FRS2: variants seen among roughly 807,000 people sequenced by gnomAD.
FRS2 encodes fibroblast growth factor receptor substrate 2.
Under a neutral mutation model 43.9 loss-of-function variants are expected in FRS2, and 8 were observed. That is an observed-to-expected ratio of 0.18 (90% CI 0.11 to 0.33). FRS2 has a LOEUF of 0.33. Ranked by LOEUF, FRS2 falls within the 10% of genes least tolerant of loss-of-function variation. The probability of loss-of-function intolerance (pLI) is 1.00; values close to 1 mark genes in which losing one functional copy is unlikely to be tolerated. For missense variants in FRS2, 534 were observed against 627.6 expected, an observed-to-expected ratio of 0.85 and a Z score of 1.59; for synonymous variants, 219 against 220.3, an observed-to-expected ratio of 0.99 and a Z score of 0.05.
At chr12:69,516,767 A>G (rs1256010725) in intron 1 of FRS2, among the ~76,000 whole-genome samples, 1 of 152,028 alleles carries the variant, frequency 6.6e-6, no homozygotes, top group Admixed American at 6.6e-5. Flanking sequence ...TTTTGTTTTA[A>G]TCCAGTACTA....
rs552854101 is a variant in FRS2 at position 69,573,905 on chromosome 12, C to T, written c.577-100C>T. On this transcript the variant is annotated intron_variant, in intron 8 of 8. Coordinates refer to ENST00000549921, the MANE Select transcript of FRS2 (RefSeq NM_001278356.2). ...AGTACATTTGGAGAGAAAGTTAATACAGTTAACTGTTGTCAATAAAATTAA... is the reference window on the plus strand; with the variant it reads ...AGTACATTTGGAGAGAAAGTTAATATAGTTAACTGTTGTCAATAAAATTAA... 38 of 718,862 alleles carry T rather than the reference C, an allele frequency of 5.3e-5. No individual in the cohort carries two copies. In the African/African-American group the frequency reaches 5.8e-4, roughly 11 times the overall value. The allele number at this position is 718,862 out of a possible 1,614,324, so 44.5% of individuals were successfully genotyped here. A position where few individuals can be genotyped will look rare whatever the true frequency, so the allele number is the denominator to read the frequency against.
intron 1 of FRS2, among the ~76,000 whole-genome samples, chr12:69,497,731 G>T (rs1873037558): frequency 6.6e-6 from 1 of 152,228 alleles, no homozygotes; most frequent in African/African-American, 2.4e-5. Flanking sequence ...TCAAGAGAGG[G>T]AAAAGCAAGT....
intron 3 of FRS2, among the ~76,000 whole-genome samples, chr12:69,532,795 C>A (rs1404531314): frequency 6.6e-6 from 1 of 152,122 alleles, no homozygotes; most frequent in Non-Finnish European, 1.5e-5. Context: ...TTTATAAGAT[C>A]TTTGGTGGGA....
chr12:69,526,188 T>A (rs1390748447), intron 1 of FRS2, among the ~76,000 whole-genome samples: 1 of 152,174 alleles, frequency 6.6e-6, no homozygotes, highest in Non-Finnish European at 1.5e-5. Flanking sequence ...TTGATCAGTC[T>A]GTTTCTCTGT....
chr12:69,561,808 T>C (rs1370546551), intron 3 of FRS2, among the ~76,000 whole-genome samples: 1 of 152,190 alleles, frequency 6.6e-6, no homozygotes, highest in Admixed American at 6.5e-5. Context: ...AGTCTGCTAC[T>C]GGCCAAAATG....
chr12:69,499,554 A>T (rs1301326645), intron 1 of FRS2, among the ~76,000 whole-genome samples: 1 of 152,098 alleles, frequency 6.6e-6, no homozygotes, highest in Non-Finnish European at 1.5e-5. Context: ...ATTTTGGAGA[A>T]AGCATCCACA....
At chr12:69,545,080 T>C (rs1878250676) in intron 3 of FRS2, among the ~76,000 whole-genome samples, 1 of 151,940 alleles carries the variant, frequency 6.6e-6, no homozygotes, top group Non-Finnish European at 1.5e-5. Context: ...AAGAATAAAA[T>C]ACAAATAACC....
chr12:69,487,406 G>C (rs1872053345), intron 1 of FRS2, among the ~76,000 whole-genome samples: 1 of 152,114 alleles, frequency 6.6e-6, no homozygotes, highest in South Asian at 2.1e-4. Flanking sequence ...AATCTACTCT[G>C]TGCTTTATGA....
At chr12:69,499,142 T>C (rs973727296) in intron 1 of FRS2, among the ~76,000 whole-genome samples, 2 of 151,520 alleles carry the variant, frequency 1.3e-5, no homozygotes, top group African/African-American at 4.8e-5. Flanking sequence ...GCAACTCTTA[T>C]GATTATAGTC....
intron 1 of FRS2, among the ~76,000 whole-genome samples, chr12:69,489,793 G>A (rs2120907351): frequency 6.7e-6 from 1 of 148,814 alleles, no homozygotes; most frequent in Non-Finnish European, 1.5e-5. Context: ...TTTCTTAACT[G>A]TACCTTTTGT....
intron 3 of FRS2, among the ~76,000 whole-genome samples, chr12:69,536,751 T>C (rs144802009): frequency 8.6e-4 from 131 of 152,070 alleles, no homozygotes; most frequent in African/African-American, 2.8e-3. Context: ...TTTAATTTTT[T>C]AGAGATGTTA....
At chr12:69,497,387 C>A (rs1342735744) in intron 1 of FRS2, among the ~76,000 whole-genome samples, 1 of 152,126 alleles carries the variant, frequency 6.6e-6, no homozygotes, top group Non-Finnish European at 1.5e-5. Context: ...TTCAAGTGAC[C>A]AGTAGATTCA....
At chr12:69,567,901 T>C (rs1880431213) in intron 4 of FRS2, among the ~76,000 whole-genome samples, 2 of 152,210 alleles carry the variant, frequency 1.3e-5, no homozygotes, top group African/African-American at 4.8e-5. Context: ...ATCGGATCTA[T>C]CATACTGAAG....
chr12:69,559,223 CT>C (rs1186718190), intron 3 of FRS2, among the ~76,000 whole-genome samples: 1 of 152,148 alleles, frequency 6.6e-6, no homozygotes, highest in Non-Finnish European at 1.5e-5. Context: ...TAAGCATATG[CT>C]TAATCTTTCT....
intron 1 of FRS2, among the ~76,000 whole-genome samples, chr12:69,517,486 A>AG (rs1377408178): frequency 6.6e-6 from 1 of 151,104 alleles, no homozygotes; most frequent in Non-Finnish European, 1.5e-5. Context: ...TTTAATCTTT[A>AG]GGGGCATTTG....
chr12:69,553,055 ATTTTTGTTTTTG>A (rs371855261), intron 3 of FRS2, among the ~76,000 whole-genome samples: 13 of 151,652 alleles, frequency 8.6e-5, no homozygotes, highest in African/African-American at 2.4e-4. Flanking sequence ...ACTTAGAGCT[ATTTTTGTTTTTG>A]TTTTTGTTTT....
intron 1 of FRS2, among the ~76,000 whole-genome samples, chr12:69,520,952 C>A (rs1329649839): frequency 6.6e-6 from 1 of 151,716 alleles, no homozygotes; most frequent in Non-Finnish European, 1.5e-5. Context: ...TTTTCTAGTT[C>A]TGTAAAGAAT....
Position 69,578,559 on chromosome 12 carries a change from A to G in FRS2, c.*3604A>G, listed in dbSNP as rs1881341858. 6.6e-6 allele frequency: 1 copy of G among 152,542 alleles called. No homozygotes were observed. The allele number at this position is 152,542 out of a possible 1,614,324, so 9.4% of individuals were successfully genotyped here. A position where few individuals can be genotyped will look rare whatever the true frequency, so the allele number is the denominator to read the frequency against. ...GTAGCATCATTATAATTGCAGTTCT[A>G]TGGCAATTGGACAGTTATAGCATGG... On this transcript the variant is annotated 3_prime_UTR_variant, in exon 9 of 9. Transcript: ENST00000549921.
At chr12:69,493,947 T>C (rs1239062278) in intron 1 of FRS2, among the ~76,000 whole-genome samples, 4 of 152,240 alleles carry the variant, frequency 2.6e-5, no homozygotes, top group Admixed American at 6.5e-5. Flanking sequence ...TGGCCTCAGC[T>C]ATTTACGTGA....
Sources: allele counts gnomAD v4.1 joint callset (sites outside exome capture counted in the v4.1 genomes callset), GRCh38; gene constraint gnomAD v4.1.1; transcripts MANE v1.5; gene names NCBI Gene and HGNC (gene_info 2026-07-23, HGNC 2026-07-21).